RALYL: variants seen among roughly 807,000 people sequenced by gnomAD.
RALYL encodes RNA-binding Raly-like protein.
RALYL carries 29 observed loss-of-function variants against 35.1 expected under a neutral mutation model. The observed-to-expected ratio is 0.83, with a 90% CI of 0.61 to 1.13. The LOEUF (loss-of-function observed/expected upper bound fraction) is 1.13, where lower values mean the gene tolerates loss of function less well. RALYL is among the 50% of genes most tolerant of loss of function. The probability of loss-of-function intolerance (pLI) is 0.00; values close to 1 mark genes in which losing one functional copy is unlikely to be tolerated. For synonymous variants in RALYL, 120 were observed against 127.6 expected (o/e 0.94, Z 0.40); for missense variants, 359 against 360.4 (o/e 1.00, Z 0.03).
At chr8:84,323,753 G>A (rs187372710) in intron 1 of RALYL, among the ~76,000 whole-genome samples, 208 of 152,078 alleles carry the variant, frequency 1.4e-3, no homozygotes, top group African/African-American at 4.6e-3. Context: ...TACTATGAAA[G>A]CAACTTTTTC....
Position 84,289,035 on chromosome 8 carries a change from G to A in RALYL, c.-24+104611G>A, listed in dbSNP as rs552495690. 4.6e-5 allele frequency among the ~76,000 whole-genome samples: 7 copies of A among 152,182 alleles called. No homozygotes were observed. In the South Asian group the frequency reaches 1.5e-3, roughly 32 times the overall value. ...GACTTTTAAGCGCTGGGGTGAGCTG[G>A]AGACCAGAGGCCATCAGTGTTTGCT... On this transcript the variant is annotated intron_variant, in intron 1 of 8. Transcript: ENST00000521268.
chr8:84,791,092 T>G (rs1348675373), intron 3 of RALYL, among the ~76,000 whole-genome samples: 1 of 152,162 alleles, frequency 6.6e-6, no homozygotes, highest in Non-Finnish European at 1.5e-5. Context: ...TAATTATAAA[T>G]TAGAAGGTAG....
rs1821497842 is a variant in RALYL, at chr8:84,621,582, AG to A, written c.256+92006del. 2.0e-5 allele frequency among the ~76,000 whole-genome samples: 3 copies of A among 150,262 alleles called. No individual in the cohort carries two copies. In the South Asian group the frequency reaches 6.2e-4, roughly 31 times the overall value. On this transcript the variant is annotated intron_variant, in intron 2 of 8. Transcript: ENST00000521268. ...CGGCGTCGCTCACGCTGGGAGCTGT[AG>A]ACCGGAGCTGTTCCTATTCAGCCAT...
intron 1 of RALYL, among the ~76,000 whole-genome samples, chr8:84,444,348 C>CA (rs1431258544): frequency 2.0e-5 from 3 of 150,882 alleles, no homozygotes; most frequent in South Asian, 4.2e-4. Context: ...AACAAACAAG[C>CA]AAAAAAACAA....
At chr8:84,744,196 A>T (rs1488707) in intron 2 of RALYL, among the ~76,000 whole-genome samples, 3,093 of 152,126 alleles carry the variant, frequency 0.02, 102 homozygotes, top group African/African-American at 0.07. Context: ...GAATCAGAAC[A>T]GGAAGCAAAC....
chr8:84,398,652 G>A (rs1326145233), intron 1 of RALYL, among the ~76,000 whole-genome samples: 2 of 151,994 alleles, frequency 1.3e-5, no homozygotes, highest in Non-Finnish European at 2.9e-5. Flanking sequence ...TGGAACTTAA[G>A]AATTGGTTCA....
At chr8:84,608,366 G>A (rs2130843911) in intron 2 of RALYL, among the ~76,000 whole-genome samples, 1 of 152,234 alleles carries the variant, frequency 6.6e-6, no homozygotes, top group Admixed American at 6.5e-5. Context: ...TGGGAAGAAA[G>A]GGGCCCAGGA....
intron 1 of RALYL, among the ~76,000 whole-genome samples, chr8:84,323,429 T>G (rs2130474001): frequency 6.6e-6 from 1 of 152,186 alleles, no homozygotes; most frequent in Non-Finnish European, 1.5e-5. Context: ...AAAGAGCTTG[T>G]TAGAAGGGTT....
intron 7 of RALYL, among the ~76,000 whole-genome samples, chr8:84,886,881 T>C (rs72681065): frequency 6.6e-6 from 1 of 152,306 alleles, no homozygotes; most frequent in Non-Finnish European, 1.5e-5. Context: ...AGGAAATAGT[T>C]GTCCTTATTG....
intron 1 of RALYL, among the ~76,000 whole-genome samples, chr8:84,265,361 G>A (rs181682838): frequency 1.2e-4 from 19 of 152,276 alleles, no homozygotes; most frequent in African/African-American, 2.9e-4. Context: ...TATGACAGAG[G>A]GAAGAACAAT....
chr8:84,713,225 A>G (rs1166766493), intron 2 of RALYL, among the ~76,000 whole-genome samples: 1 of 151,850 alleles, frequency 6.6e-6, no homozygotes, highest in Non-Finnish European at 1.5e-5. Flanking sequence ...TTTCCCTATT[A>G]TATGTTCTTG....
intron 8 of RALYL, among the ~76,000 whole-genome samples, chr8:84,916,272 G>A (rs1007729070): frequency 1.3e-5 from 2 of 151,742 alleles, no homozygotes. Flanking sequence ...CACATATCTT[G>A]TATCTTATAA....
intron 1 of RALYL, among the ~76,000 whole-genome samples, chr8:84,517,023 C>T (rs1169426695): frequency 1.3e-5 from 2 of 152,176 alleles, no homozygotes; most frequent in African/African-American, 4.8e-5. Context: ...ATTAACCCTA[C>T]AGACTGTCTC....
intron 2 of RALYL, among the ~76,000 whole-genome samples, chr8:84,615,648 G>C (rs1310022027): frequency 7.9e-6 from 1 of 126,380 alleles, no homozygotes; most frequent in African/African-American, 3.2e-5. Context: ...ACATTGTGCA[G>C]CTTAGTTACA....
intron 1 of RALYL, among the ~76,000 whole-genome samples, chr8:84,294,069 TC>T (rs1839303932): frequency 6.6e-6 from 1 of 152,160 alleles, no homozygotes; most frequent in African/African-American, 2.4e-5. Flanking sequence ...TGTAGGGTTT[TC>T]CCTCTCCACT....
chr8:84,196,298 T>A, intron 1 of RALYL, among the ~76,000 whole-genome samples: 1 of 151,988 alleles, frequency 6.6e-6, no homozygotes, highest in East Asian at 1.9e-4. Context: ...AGAAAGGAAA[T>A]GGAAGAGAAA....
intron 2 of RALYL, among the ~76,000 whole-genome samples, chr8:84,652,176 A>G (rs756423996): frequency 3.9e-5 from 6 of 152,098 alleles, no homozygotes; most frequent in Non-Finnish European, 5.9e-5. Flanking sequence ...GAGGGTAAAA[A>G]TATAAATCTC....
chr8:84,196,704 T>A (rs147242212), intron 1 of RALYL, among the ~76,000 whole-genome samples: 11 of 152,316 alleles, frequency 7.2e-5, no homozygotes, highest in African/African-American at 2.6e-4. Flanking sequence ...AAACTCCTTT[T>A]GGCATTTGTT....
intron 2 of RALYL, among the ~76,000 whole-genome samples, chr8:84,741,597 G>A (rs1396797624): frequency 2.0e-5 from 3 of 151,910 alleles, no homozygotes; most frequent in African/African-American, 7.2e-5. Flanking sequence ...AATCCCGTTT[G>A]TAATGACTGA....
Sources: allele counts gnomAD v4.1 joint callset (sites outside exome capture counted in the v4.1 genomes callset), GRCh38; gene constraint gnomAD v4.1.1; transcripts MANE v1.5; gene names NCBI Gene and HGNC (gene_info 2026-07-23, HGNC 2026-07-21).